The following INPP4B variants were observed in gnomAD, a reference collection of about 807,000 sequenced individuals.
INPP4B encodes the protein inositol polyphosphate-4-phosphatase type II B.
Under a neutral mutation model 122.5 loss-of-function variants are expected in INPP4B, and 55 were observed. The ratio of observed to expected loss-of-function variants is 0.45; its 90% confidence interval spans 0.36 to 0.56. The LOEUF (loss-of-function observed/expected upper bound fraction) is 0.56, where lower values mean the gene tolerates loss of function less well. INPP4B is among the 20% of genes least tolerant of loss of function. The probability of loss-of-function intolerance (pLI) is 0.00; values close to 1 mark genes in which losing one functional copy is unlikely to be tolerated. For synonymous variants in INPP4B, 403 were observed against 388.7 expected, an observed-to-expected ratio of 1.04 and a Z score of -0.43; for missense variants, 1,000 against 1,097.7, an observed-to-expected ratio of 0.91 and a Z score of 1.26.
intron 1 of INPP4B, among the ~76,000 whole-genome samples, chr4:142,818,199 A>G (rs1173846357): frequency 6.6e-6 from 1 of 152,178 alleles, no homozygotes; most frequent in Non-Finnish European, 1.5e-5. Flanking sequence ...GCTTGCATGT[A>G]GTCACTGAGT....
chr4:142,374,020 A>C (rs1790904251), intron 7 of INPP4B, among the ~76,000 whole-genome samples: 1 of 151,704 alleles, frequency 6.6e-6, no homozygotes, highest in Non-Finnish European at 1.5e-5. Flanking sequence ...AACAGGTGGC[A>C]AAAAAAAGGA....
rs72946827 is a variant in INPP4B, at chr4:142,468,830, C to T, written c.-190-6104G>A. Among the ~76,000 whole-genome samples, 371 of 152,234 alleles carry T rather than the reference C, an allele frequency of 2.4e-3. 1 individual carries two copies. The highest frequency in any genetic ancestry group is 8.7e-3 in the African/African-American group (363 of 41,540). Reference sequence around the variant, plus strand: ...CTTTTCTTTATAAATAATCCAGCCTCAGGTGTTCTTTTATAGCAATATAAA... The same window carrying T: ...CTTTTCTTTATAAATAATCCAGCCTTAGGTGTTCTTTTATAGCAATATAAA... On this transcript the variant is annotated intron_variant, in intron 2 of 25. Coordinates refer to ENST00000262992, the MANE Select transcript of INPP4B (RefSeq NM_001101669.3).
intron 7 of INPP4B, among the ~76,000 whole-genome samples, chr4:142,382,613 T>TTA (rs199947062): frequency 1.8e-5 from 2 of 111,270 alleles, no homozygotes; most frequent in South Asian, 4.6e-4. Flanking sequence ...TATTTATATA[T>TTA]TATATATATA....
At chr4:142,649,892 G>A (rs899115318) in intron 2 of INPP4B, among the ~76,000 whole-genome samples, 1 of 152,164 alleles carries the variant, frequency 6.6e-6, no homozygotes, top group African/African-American at 2.4e-5. Context: ...CTCGAGGAGA[G>A]CAACCTCAAG....
intron 2 of INPP4B, among the ~76,000 whole-genome samples, chr4:142,628,124 C>A (rs1027002461): frequency 6.6e-6 from 1 of 151,036 alleles, no homozygotes; most frequent in African/African-American, 2.4e-5. Flanking sequence ...ATGTTTATTG[C>A]GGCATTATTC....
intron 10 of INPP4B, among the ~76,000 whole-genome samples, 175 bp from the exon 11 acceptor site, chr4:142,260,739 G>A (rs913029492): frequency 1.3e-5 from 2 of 152,062 alleles, no homozygotes; most frequent in Admixed American, 6.5e-5. Flanking sequence ...TTTAACTTGT[G>A]ATTTACTTAA....
intron 2 of INPP4B, among the ~76,000 whole-genome samples, chr4:142,586,021 T>A (rs2150224409): frequency 6.6e-6 from 1 of 152,044 alleles, no homozygotes; most frequent in Admixed American, 6.6e-5. Context: ...ACAGAATCCT[T>A]AAATTGGGCC....
chr4:142,082,035 T>C lies in INPP4B; in HGVS notation c.2638A>G (p.Arg880Gly). 1 of 1,446,412 alleles carries C rather than the reference T, an allele frequency of 6.9e-7. No homozygotes were observed. Among genetic ancestry groups the C allele is most frequent in the Non-Finnish European group, 9.3e-7 (1 of 1,078,220 alleles). The allele number at this position is 1,446,412 out of a possible 1,614,324, so 89.6% of individuals were successfully genotyped here. A position where few individuals can be genotyped will look rare whatever the true frequency, so the allele number is the denominator to read the frequency against. The change falls in exon 25 of 26, where the codon AGA becomes GGA. Residue 880 changes from arginine to glycine, a missense_variant. Coordinates refer to ENST00000262992, the MANE Select transcript of INPP4B (RefSeq NM_001101669.3). ...CTTGAAAAACATGTGAGATACCTTCTCATGCAATCCAGCGCTCGGATAAAG... is the reference window on the plus strand; with the variant it reads ...CTTGAAAAACATGTGAGATACCTTCCCATGCAATCCAGCGCTCGGATAAAG... ...DFFIRALDCMRREGCRIENVL... is the reference protein window; with the variant it reads ...DFFIRALDCMGREGCRIENVL...
intron 2 of INPP4B, among the ~76,000 whole-genome samples, chr4:142,626,319 A>T (rs932601588): frequency 3.3e-5 from 5 of 152,018 alleles, no homozygotes; most frequent in African/African-American, 1.2e-4. Context: ...GATTGGCCTG[A>T]CACAATCAGG....
At chr4:142,521,904 A>C (rs1826125161) in intron 2 of INPP4B, among the ~76,000 whole-genome samples, 2 of 152,104 alleles carry the variant, frequency 1.3e-5, no homozygotes, top group African/African-American at 4.8e-5. Context: ...AATAGAGTCC[A>C]CAAAATACAA....
chr4:142,806,741 T>TAA (rs201656359), intron 1 of INPP4B, among the ~76,000 whole-genome samples: 2 of 105,448 alleles, frequency 1.9e-5, no homozygotes, highest in Non-Finnish European at 3.8e-5. Context: ...AAGACCCTGT[T>TAA]AAAAAAAAAG....
chr4:142,666,744 C>A (rs796838175), intron 2 of INPP4B, among the ~76,000 whole-genome samples: 8 of 152,164 alleles, frequency 5.3e-5, no homozygotes, highest in African/African-American at 1.9e-4. Context: ...GCTTTGAGAG[C>A]AAAAGGATGA....
chr4:142,288,650 T>G (rs2150932594), intron 9 of INPP4B, among the ~76,000 whole-genome samples: 1 of 152,308 alleles, frequency 6.6e-6, no homozygotes, highest in East Asian at 1.9e-4. Context: ...AGCCTTTAAT[T>G]ACAGTTCTAT....
At chr4:142,216,627 T>G (rs1025419515) in intron 12 of INPP4B, among the ~76,000 whole-genome samples, 1 of 152,226 alleles carries the variant, frequency 6.6e-6, no homozygotes, top group African/African-American at 2.4e-5. Flanking sequence ...TGTCTTACTG[T>G]GTTTAAATAT....
In INPP4B at chr4:142,800,155, TTGTTAGCAC is replaced by T. The variant is rs1471450067; in HGVS notation, c.-254+46045_-254+46053del. 7.2e-5 allele frequency among the ~76,000 whole-genome samples: 11 copies of T among 152,130 alleles called. 1 individual carries two copies. Among genetic ancestry groups the T allele is most frequent in the African/African-American group, 2.7e-4 (11 of 41,460 alleles). ...ATTAAAAGGGATAGGTGAGAGTTCT[TTGTTAGCAC>T]TTTGAAAATGAGTGAGAAAACATGA... On this transcript the variant is annotated intron_variant, in intron 1 of 25. Transcript: ENST00000262992.
At chr4:142,173,268 T>C (rs938575694) in intron 16 of INPP4B, among the ~76,000 whole-genome samples, 1 of 151,952 alleles carries the variant, frequency 6.6e-6, no homozygotes, top group African/African-American at 2.4e-5. Flanking sequence ...TGTAAAGCTT[T>C]ATATGCATAA....
At chr4:142,556,325 G>T (rs1198375301) in intron 2 of INPP4B, among the ~76,000 whole-genome samples, 1 of 152,096 alleles carries the variant, frequency 6.6e-6, no homozygotes, top group Non-Finnish European at 1.5e-5. Flanking sequence ...ATCACTCCTT[G>T]GTAACGAAGG....
chr4:142,390,927 G>A (rs1441093699), intron 7 of INPP4B, among the ~76,000 whole-genome samples: 2 of 152,100 alleles, frequency 1.3e-5, no homozygotes, highest in African/African-American at 2.4e-5. Flanking sequence ...AGAATGGAAA[G>A]GACCCTGAAA....
chr4:142,447,029 A>G (rs1318219433), intron 3 of INPP4B, among the ~76,000 whole-genome samples: 2 of 152,190 alleles, frequency 1.3e-5, no homozygotes, highest in Admixed American at 1.3e-4. Context: ...GTTTTTCTTT[A>G]TATCTGTTAT....
Sources: allele counts gnomAD v4.1 joint callset (sites outside exome capture counted in the v4.1 genomes callset), GRCh38; gene constraint gnomAD v4.1.1; transcripts MANE v1.5; gene names NCBI Gene and HGNC (gene_info 2026-07-23, HGNC 2026-07-21).